Variants in C2orf76 observed in about 807,000 individuals in gnomAD.
C2orf76 encodes the protein chromosome 2 open reading frame 76.
A neutral mutation model predicts 16.9 loss-of-function variants in C2orf76; 23 were observed. That is an observed-to-expected ratio of 1.36 (90% CI 0.98 to 1.93). C2orf76 has a LOEUF of 1.93. Ranked by LOEUF, C2orf76 falls within the 30% of genes most tolerant of loss-of-function variation. The pLI is 0.00. For missense variants in C2orf76, 152 were observed against 152.6 expected, an observed-to-expected ratio of 1.00 and a Z score of 0.02; for synonymous variants, 48 against 52.3, an observed-to-expected ratio of 0.92 and a Z score of 0.35.
chr2:119,294,801 G>A, the C2orf76 span, among the ~76,000 whole-genome samples: 1 of 152,190 alleles, frequency 6.6e-6, no homozygotes, highest in East Asian at 1.9e-4. Context: ...CCCACCACGC[G>A]CAGTACAGCT....
At chr2:119,342,023 C>T (rs1442619270) in intron 1 of C2orf76, among the ~76,000 whole-genome samples, 1 of 152,110 alleles carries the variant, frequency 6.6e-6, no homozygotes, top group African/African-American at 2.4e-5. Context: ...TAAGGAATCT[C>T]ACATATATAT....
chr2:119,293,283 T>C, the C2orf76 span, among the ~76,000 whole-genome samples: 691 of 152,330 alleles, frequency 4.5e-3, 6 homozygotes, highest in African/African-American at 0.016. Context: ...AGGCCTCTTT[T>C]ATGGCATTTG....
intron 1 of C2orf76, among the ~76,000 whole-genome samples, chr2:119,353,549 G>C (rs1042353503): frequency 1.4e-5 from 2 of 142,884 alleles, no homozygotes; most frequent in South Asian, 2.2e-4. Flanking sequence ...AAGGTAACAA[G>C]AATTTTCTTT....
intron 4 of C2orf76, among the ~76,000 whole-genome samples, chr2:119,313,595 CA>C (rs59871164): frequency 0.52 from 59,031 of 114,260 alleles, 11,902 homozygotes; most frequent in South Asian, 0.56. Context: ...GATTGTGTCT[CA>C]AAAAAACAAA....
intron 2 of C2orf76, chr2:119,339,104 G>A (rs1233445806): frequency 4.6e-5 from 7 of 152,186 alleles, no homozygotes; most frequent in Admixed American, 4.6e-4. Flanking sequence ...TTGAAATCAT[G>A]TCAAAGTAAA....
chr2:119,295,318 G>A, the C2orf76 span, among the ~76,000 whole-genome samples: 5 of 152,138 alleles, frequency 3.3e-5, no homozygotes, highest in Non-Finnish European at 5.9e-5. Flanking sequence ...GTTAGGGGAC[G>A]GCAATAATGT....
intron 1 of C2orf76, among the ~76,000 whole-genome samples, chr2:119,353,399 A>C (rs1680465047): frequency 6.6e-6 from 1 of 152,192 alleles, no homozygotes; most frequent in Non-Finnish European, 1.5e-5. Flanking sequence ...TAAAAGTAAA[A>C]TGTTAATTGC....
intron 4 of C2orf76, among the ~76,000 whole-genome samples, chr2:119,315,727 G>A (rs1241691167): frequency 6.6e-6 from 1 of 152,206 alleles, no homozygotes; most frequent in Non-Finnish European, 1.5e-5. Flanking sequence ...AGCACTCTGA[G>A]TGACTTAATT....
At chr2:119,287,849 A>T in the C2orf76 span, among the ~76,000 whole-genome samples, 1 of 152,180 alleles carries the variant, frequency 6.6e-6, no homozygotes, top group East Asian at 1.9e-4. Flanking sequence ...ATAATATTAG[A>T]GTTGGTCTTC....
the C2orf76 span, among the ~76,000 whole-genome samples, chr2:119,295,013 A>G: frequency 1.3e-5 from 2 of 152,128 alleles, no homozygotes; most frequent in Non-Finnish European, 2.9e-5. Flanking sequence ...AGGCAGAGAA[A>G]TGGAAAGTCA....
At chr2:119,323,931 G>A (rs1232453299) in intron 2 of C2orf76, among the ~76,000 whole-genome samples, 1 of 152,148 alleles carries the variant, frequency 6.6e-6, no homozygotes, top group Non-Finnish European at 1.5e-5. Flanking sequence ...AACCTCTCTG[G>A]AGGCAGGATT....
At chr2:119,338,623 G>A (rs1471431409) in intron 2 of C2orf76, among the ~76,000 whole-genome samples, 4 of 152,174 alleles carry the variant, frequency 2.6e-5, no homozygotes, top group South Asian at 2.1e-4. Flanking sequence ...CAGAAAGTCC[G>A]AGGAAACTGA....
the C2orf76 span, among the ~76,000 whole-genome samples, chr2:119,285,812 G>A: frequency 5.3e-5 from 8 of 152,182 alleles, no homozygotes; most frequent in African/African-American, 1.7e-4. Context: ...ATTCATTCAT[G>A]CAGAAATAAC....
At chr2:119,340,031 C>T (rs1573662915) in intron 1 of C2orf76, 60 bp from the exon 2 acceptor site, 2 of 1,554,754 alleles carry the variant, frequency 1.3e-6, no homozygotes, top group Non-Finnish European at 1.8e-6. Context: ...TCTACCAGCA[C>T]CTAGCCTGCA....
At chr2:119,314,716 C>T (rs1679109862) in intron 4 of C2orf76, among the ~76,000 whole-genome samples, 1 of 152,098 alleles carries the variant, frequency 6.6e-6, no homozygotes, top group Non-Finnish European at 1.5e-5. Flanking sequence ...TTAAAATCAG[C>T]TTATTTAGTT....
chr2:119,294,403 G>A, the C2orf76 span, among the ~76,000 whole-genome samples: 1 of 152,194 alleles, frequency 6.6e-6, no homozygotes, highest in Non-Finnish European at 1.5e-5. Context: ...AAGGGAAGAT[G>A]GGGCGGCTCT....
intron 1 of C2orf76, among the ~76,000 whole-genome samples, chr2:119,360,661 A>G (rs12612942): frequency 0.18 from 26,941 of 152,110 alleles, 2,562 homozygotes; most frequent in East Asian, 0.22. Context: ...AACCTGCAAT[A>G]TCTCTGAGGT....
chr2:119,352,609 T>C (rs116232958), intron 1 of C2orf76, among the ~76,000 whole-genome samples: 2,234 of 152,354 alleles, frequency 0.015, 57 homozygotes, highest in African/African-American at 0.048. Flanking sequence ...GTTTTCTGTC[T>C]ATAAATACCA....
At chr2:119,364,610 C>T (rs966911596) in intron 1 of C2orf76, among the ~76,000 whole-genome samples, 1 of 152,084 alleles carries the variant, frequency 6.6e-6, no homozygotes, top group Non-Finnish European at 1.5e-5. Flanking sequence ...ACACAATGAC[C>T]CCATCTCCTC....
Sources: gnomAD v4.1 joint callset for allele counts (sites outside exome capture counted in the v4.1 genomes callset) on GRCh38, gnomAD v4.1.1 for gene constraint, MANE v1.5 for transcripts, NCBI Gene and HGNC (gene_info 2026-07-23, HGNC 2026-07-21) for gene names.